APAF1: variants seen among roughly 807,000 people sequenced by gnomAD.
The protein encoded by APAF1 is apoptotic peptidase activating factor 1.
APAF1 carries 91 observed loss-of-function variants against 152.4 expected under a neutral mutation model. The observed-to-expected ratio is 0.60, with a 90% CI of 0.50 to 0.71. The LOEUF (loss-of-function observed/expected upper bound fraction) is 0.71, where lower values mean the gene tolerates loss of function less well. Ranked by LOEUF, APAF1 falls within the 30% of genes least tolerant of loss-of-function variation. The probability of loss-of-function intolerance (pLI) is 0.00; values close to 1 mark genes in which losing one functional copy is unlikely to be tolerated. For missense variants in APAF1, 1,283 were observed against 1,472.0 expected (o/e 0.87, Z 2.10); for synonymous variants, 484 against 494.1 (o/e 0.98, Z 0.27).
At chr12:98,648,854 A>G in intron 3 of APAF1, 39 bp downstream of exon 3, 1 of 1,592,100 alleles carries the variant, frequency 6.3e-7, no homozygotes, top group African/African-American at 1.3e-5. Context: ...TTGCTATCAA[A>G]ATTGCTTTGG....
At chr12:98,675,605 T>C (rs2097685640) in intron 12 of APAF1, among the ~76,000 whole-genome samples, 1 of 152,222 alleles carries the variant, frequency 6.6e-6, no homozygotes, top group Non-Finnish European at 1.5e-5. Flanking sequence ...ACTGTTTACA[T>C]AGCATTTACA....
chr12:98,706,728 T>C, intron 19 of APAF1, 118 bp downstream of exon 19: 2 of 1,161,892 alleles, frequency 1.7e-6, no homozygotes, highest in Non-Finnish European at 2.6e-6. Flanking sequence ...AGTACTATAT[T>C]CCTATTCACC....
At chr12:98,707,855 A>C (rs2097723410) in intron 19 of APAF1, among the ~76,000 whole-genome samples, 1 of 152,210 alleles carries the variant, frequency 6.6e-6, no homozygotes, top group Non-Finnish European at 1.5e-5. Context: ...TGCTTTCTTC[A>C]TCAAGAAAGT....
Position 98,666,200 on chromosome 12 carries a change from T to A in APAF1, c.1205T>A (p.Ile402Asn). ...DVKVPTKVLC[I>N]LWDMETEEVE... ...TACAACAATTCCTAGGTGTTATGTA[T>A]TCTCTGGGACATGGAAACTGAAGAA... is the stretch of plus-strand genomic sequence containing the variant. Residue 402 changes from isoleucine to asparagine, a missense_variant, in exon 9 of 27, where the codon ATT becomes AAT. Transcript: ENST00000551964. 1 of 1,613,916 alleles carries A rather than the reference T, an allele frequency of 6.2e-7. No individual in the cohort carries two copies. The highest frequency in any genetic ancestry group is 8.5e-7 in the Non-Finnish European group (1 of 1,179,862).
At chr12:98,685,886 C>T (rs1448736576) in intron 15 of APAF1, among the ~76,000 whole-genome samples, 1 of 152,192 alleles carries the variant, frequency 6.6e-6, no homozygotes, top group Admixed American at 6.5e-5. Flanking sequence ...ATACGCCCAC[C>T]TCAGCCTCCC....
chr12:98,647,772 T>C (rs907949228), intron 1 of APAF1, among the ~76,000 whole-genome samples: 31 of 151,358 alleles, frequency 2.0e-4, no homozygotes, highest in African/African-American at 7.0e-4. Context: ...CATGGAGATA[T>C]GTGTCATAAT....
intron 5 of APAF1, among the ~76,000 whole-genome samples, chr12:98,660,774 T>A (rs1019737964): frequency 1.4e-4 from 21 of 152,228 alleles, no homozygotes. Flanking sequence ...AGTTAGGTAG[T>A]GGCTCTGCAC....
At chr12:98,717,461 C>T (rs555848536) in intron 22 of APAF1, among the ~76,000 whole-genome samples, 44 of 150,896 alleles carry the variant, frequency 2.9e-4, no homozygotes, top group South Asian at 6.3e-4. Flanking sequence ...CTGCAACCTC[C>T]GCCTCCTGGG....
At chr12:98,719,585 C>T (rs549158737) in intron 22 of APAF1, among the ~76,000 whole-genome samples, 5 of 151,642 alleles carry the variant, frequency 3.3e-5, no homozygotes, top group South Asian at 2.1e-4. Flanking sequence ...ATCTCTTGAC[C>T]TTGTGATCCT....
At chr12:98,672,027 A>G (rs2097680821) in intron 12 of APAF1, among the ~76,000 whole-genome samples, 2 of 152,238 alleles carry the variant, frequency 1.3e-5, no homozygotes, top group African/African-American at 4.8e-5. Context: ...TTGGAGCCAC[A>G]GAACTGGGTT....
In APAF1 at chr12:98,659,150, C is replaced by G; in HGVS notation, c.527-10C>G. The G allele has an allele frequency of 6.2e-7, 1 of 1,613,944 alleles. No homozygotes were observed. The highest frequency in any genetic ancestry group is 1.1e-5 in the South Asian group (1 of 91,070). ...AAAGGCCTTAAGTTCATTATTCTTTCCCTCACTAGGTTGTTTCCCAGGGGG... is the reference window on the plus strand; with the variant it reads ...AAAGGCCTTAAGTTCATTATTCTTTGCCTCACTAGGTTGTTTCCCAGGGGG... On this transcript the variant is annotated splice_polypyrimidine_tract_variant and intron_variant, in intron 4 of 26. Transcript: ENST00000551964.
intron 14 of APAF1, among the ~76,000 whole-genome samples, chr12:98,680,669 G>A (rs1460355539): frequency 6.6e-6 from 1 of 152,264 alleles, no homozygotes; most frequent in South Asian, 2.1e-4. Flanking sequence ...TCCTGCCACA[G>A]CCTTCCAAAG....
chr12:98,678,206 A>G (rs2097688545), intron 13 of APAF1, among the ~76,000 whole-genome samples: 1 of 152,274 alleles, frequency 6.6e-6, no homozygotes. Flanking sequence ...GAGAGAATGC[A>G]TATTAAATGA....
intron 22 of APAF1, among the ~76,000 whole-genome samples, chr12:98,719,161 G>A (rs1276966732): frequency 6.6e-6 from 1 of 152,088 alleles, no homozygotes; most frequent in Non-Finnish European, 1.5e-5. Flanking sequence ...AGTGTCTCCT[G>A]CTCTTCTCTA....
chr12:98,665,384 A>AT (rs540244582), intron 7 of APAF1, among the ~76,000 whole-genome samples, 169 bp from the exon 8 acceptor site: 22 of 149,324 alleles, frequency 1.5e-4, no homozygotes, highest in Non-Finnish European at 2.4e-4. Flanking sequence ...CTTATTTCTA[A>AT]TTTTTTTTGG....
At chr12:98,689,111 G>A (rs1051600646) in intron 16 of APAF1, among the ~76,000 whole-genome samples, 4 of 152,050 alleles carry the variant, frequency 2.6e-5, no homozygotes, top group Admixed American at 6.5e-5. Flanking sequence ...CACTGCATCC[G>A]GCCCTACCAC....
intron 4 of APAF1, among the ~76,000 whole-genome samples, chr12:98,654,983 G>T (rs1296163267): frequency 1.6e-5 from 2 of 123,444 alleles, no homozygotes; most frequent in Non-Finnish European, 3.3e-5. Flanking sequence ...GCGGCCTTCC[G>T]CAGTGTTTGT....
intron 10 of APAF1, among the ~76,000 whole-genome samples, chr12:98,669,311 A>G (rs949300791): frequency 3.9e-5 from 6 of 152,182 alleles, no homozygotes; most frequent in Non-Finnish European, 8.8e-5. Flanking sequence ...CATGTATGAT[A>G]GTGTGGCAGG....
At chr12:98,648,220 A>G in intron 1 of APAF1, 99 bp from the exon 2 acceptor site, 2 of 1,232,718 alleles carry the variant, frequency 1.6e-6, no homozygotes, top group South Asian at 2.7e-5. Context: ...AGGAAAAAAA[A>G]TCAGTTTTGT....
Sources: gnomAD v4.1 joint callset for allele counts (sites outside exome capture counted in the v4.1 genomes callset) on GRCh38, gnomAD v4.1.1 for gene constraint, MANE v1.5 for transcripts, NCBI Gene and HGNC (gene_info 2026-07-23, HGNC 2026-07-21) for gene names.